The following VCPIP1 variants were observed in gnomAD, a reference collection of about 807,000 sequenced individuals.
VCPIP1 encodes the protein deubiquitinating protein VCPIP1.
In VCPIP1, 8 loss-of-function variants were observed where a neutral mutation model predicts 85.0. The observed-to-expected ratio is 0.09, with a 90% CI of 0.06 to 0.17. VCPIP1 has a LOEUF of 0.17. Ranked by LOEUF, VCPIP1 falls within the 10% of genes least tolerant of loss-of-function variation. The pLI, the probability that VCPIP1 is intolerant of heterozygous loss-of-function variation, is 1.00. For missense variants in VCPIP1, 1,070 were observed against 1,486.3 expected, an observed-to-expected ratio of 0.72 and a Z score of 4.61; for synonymous variants, 543 against 544.5, an observed-to-expected ratio of 1.00 and a Z score of 0.04.
rs1465096398 is a variant in VCPIP1, at chr8:66,633,554, T to C, written c.*947A>G. On this transcript the variant is annotated 3_prime_UTR_variant, in exon 3 of 3. Transcript: ENST00000310421. ...AGTGAAGCCAACAAATAAACTCTTA[T>C]GGATTCTGAAAAAAAAAAAAAAATT... is the stretch of plus-strand genomic sequence containing the variant. The C allele has an allele frequency of 3.3e-5, 5 of 149,264 alleles. No homozygotes were observed. The highest frequency in any genetic ancestry group is 2.0e-4 in the East Asian group (1 of 5,072). The allele number at this position is 149,264 out of a possible 1,614,324, so 9.2% of individuals were successfully genotyped here. A position where few individuals can be genotyped will look rare whatever the true frequency, so the allele number is the denominator to read the frequency against.
At chr8:66,653,115 C>G (rs1408647477) in intron 1 of VCPIP1, among the ~76,000 whole-genome samples, 2 of 152,138 alleles carry the variant, frequency 1.3e-5, no homozygotes, top group African/African-American at 2.4e-5. Context: ...TTTTAGAAGA[C>G]TTGACAATTA....
In VCPIP1 at chr8:66,664,590, G is replaced by A; in HGVS notation, c.2369C>T (p.Thr790Ile). 3 of 1,614,162 alleles carry A rather than the reference G, an allele frequency of 1.9e-6. No individual in the cohort carries two copies. The highest frequency in any genetic ancestry group is 2.5e-6 in the Non-Finnish European group (3 of 1,180,020). Residue 790 changes from threonine (T) to isoleucine (I), a missense_variant, in exon 1 of 3, where the codon ACC (threonine) becomes ATC (isoleucine). Coordinates refer to ENST00000310421, the MANE Select transcript of VCPIP1 (RefSeq NM_025054.5). ...AAAAAAGGTTGTTGAAGACTTAAGG[G>A]TAACCATGGACTGTCGTCCATCATT... ...TTNDGRQSMVTLKSSTTFFEL... is the reference protein window; with the variant it reads ...TTNDGRQSMVILKSSTTFFEL...
In VCPIP1 at chr8:66,666,924, G is replaced by A. The variant is rs1488838767; in HGVS notation, c.35C>T (p.Pro12Leu). The A allele has an allele frequency of 6.3e-7, 1 of 1,584,450 alleles. No individual in the cohort carries two copies. Among genetic ancestry groups the A allele is most frequent in the Non-Finnish European group, 8.5e-7 (1 of 1,171,020 alleles). ...SQPPPPPPPLPPPPPPPEAPQ... is the reference protein window; with the variant it reads ...SQPPPPPPPLLPPPPPPEAPQ... ...AGCCTCAGGGGGAGGAGGTGGCGGC[G>A]GCAACGGAGGCGGCGGCGGCGGCGG... Residue 12 changes from proline to leucine, a missense_variant, in exon 1 of 3, where the codon CCG becomes CTG. Physicochemically the swap from Pro to Leu is moderately conservative, Grantham distance 98 (BLOSUM62 -3). This residue lies in a region of VCPIP1 where 164 missense variants were observed against 158.6 expected (regional missense o/e 1.03). Coordinates refer to ENST00000310421, the MANE Select transcript of VCPIP1 (RefSeq NM_025054.5). The surrounding 1 kb of genome is among the most constrained non-coding windows in gnomAD (Gnocchi z 6.3).
chr8:66,666,914 AGGTGGCGGCGGCAAC>A lies in VCPIP1; in HGVS notation c.30_44del (p.Leu11_Pro15del), dbSNP rs772444898. The A allele has an allele frequency of 2.5e-6, 4 of 1,590,446 alleles. No individual in the cohort carries two copies. The highest frequency in any genetic ancestry group is 3.9e-5 in the Admixed American group (2 of 51,934). On this transcript the variant is annotated inframe_deletion, in exon 1 of 3. Transcript: ENST00000310421. This position sits in a 1 kb window ranked among gnomAD's most constrained non-coding sequence, Gnocchi z 6.3. ...GAGTCTGTGGAGCCTCAGGGGGAGG[AGGTGGCGGCGGCAAC>A]GGAGGCGGCGGCGGCGGCGGCTGAG...
intron 2 of VCPIP1, among the ~76,000 whole-genome samples, chr8:66,640,548 G>T (rs376074128): frequency 4.3e-4 from 65 of 152,300 alleles, no homozygotes; most frequent in African/African-American, 1.5e-3. Context: ...ATGTATTCCT[G>T]TTTTTCCGCT....
At chr8:66,654,616 T>C (rs748860169) in intron 1 of VCPIP1, among the ~76,000 whole-genome samples, 2 of 152,234 alleles carry the variant, frequency 1.3e-5, no homozygotes, top group Non-Finnish European at 2.9e-5. Flanking sequence ...CTGAAGGTCA[T>C]GTTTGTTGGT....
At position 66,651,479 on chromosome 8, in the gene VCPIP1, T is replaced by C; in HGVS notation, c.2776A>G (p.Ser926Gly). ...HMFQQGGVFY[S>G]IMKKTMGMAD... Reference sequence around the variant, plus strand: ...ATACCCATGGTTTTCTTCATAATACTGTAGAATACACCACCCTGCTGAAAC... The same window carrying C: ...ATACCCATGGTTTTCTTCATAATACCGTAGAATACACCACCCTGCTGAAAC... Residue 926 changes from serine to glycine, a missense_variant, in exon 2 of 3, where the codon AGT (serine) becomes GGT (glycine). This residue lies in a region of VCPIP1 where 46 missense variants were observed against 95.2 expected (regional missense o/e 0.48). Coordinates refer to ENST00000310421, the MANE Select transcript of VCPIP1 (RefSeq NM_025054.5). The C allele has an allele frequency of 1.2e-6, 2 of 1,613,058 alleles. No homozygotes were observed. Among genetic ancestry groups the C allele is most frequent in the Non-Finnish European group, 1.7e-6 (2 of 1,179,674 alleles).
chr8:66,649,398 G>C (rs1019186332), intron 2 of VCPIP1, among the ~76,000 whole-genome samples: 2 of 152,048 alleles, frequency 1.3e-5, no homozygotes, highest in African/African-American at 4.8e-5. Flanking sequence ...TGTGGTCCCA[G>C]CTACTTGGGA....
At chr8:66,653,563 T>C (rs542501689) in intron 1 of VCPIP1, 143 of 152,328 alleles carry the variant, frequency 9.4e-4, no homozygotes, top group African/African-American at 3.3e-3. Flanking sequence ...CTACCTGCAC[T>C]TGACTAGTCC....
intron 2 of VCPIP1, among the ~76,000 whole-genome samples, chr8:66,649,651 T>C (rs534859612): frequency 3.9e-5 from 6 of 152,072 alleles, no homozygotes; most frequent in South Asian, 2.1e-4. Context: ...GGCAAACATA[T>C]AGGAGCAGAA....
chr8:66,639,424 G>A (rs1436884985), intron 2 of VCPIP1, among the ~76,000 whole-genome samples: 2 of 133,528 alleles, frequency 1.5e-5, no homozygotes, highest in African/African-American at 2.8e-5. Flanking sequence ...GTGCGATCTC[G>A]GCTCACTGCA....
At position 66,637,951 on chromosome 8, in the gene VCPIP1, G is replaced by A. The variant is rs932663736; in HGVS notation, c.2798-2579C>T. Among the ~76,000 whole-genome samples, 129 of 152,282 alleles carry A rather than the reference G, an allele frequency of 8.5e-4. 1 individual carries two copies. The highest frequency in any genetic ancestry group is 3.0e-3 in the African/African-American group (125 of 41,542). On this transcript the variant is annotated intron_variant, in intron 2 of 2. Transcript: ENST00000310421. ...CGTGCCATTGCACTCCAGCCAGGGC[G>A]ACAGAGCGAGACTCCGTCTCAAAAC...
At position 66,666,606 on chromosome 8, in the gene VCPIP1, T is replaced by C. The variant is rs748137137; in HGVS notation, c.353A>G (p.Lys118Arg). The C allele has an allele frequency of 3.7e-6, 6 of 1,614,144 alleles. No homozygotes were observed. The East Asian group carries it at 1.3e-4, about 36-fold the overall frequency. ...GAPKKNTELV[K>R]VMGLSNYHCK... ...GTGATAGTTGGAAAGGCCCATCACC[T>C]TTACCAGTTCCGTGTTCTTCTTGGG... The change falls in exon 1 of 3, where the codon AAG becomes AGG. Residue 118 changes from lysine to arginine, a missense_variant. Coordinates refer to ENST00000310421, the MANE Select transcript of VCPIP1 (RefSeq NM_025054.5). This position sits in a 1 kb window ranked among gnomAD's most constrained non-coding sequence, Gnocchi z 6.3.
chr8:66,648,169 T>C (rs1017627380), intron 2 of VCPIP1, among the ~76,000 whole-genome samples: 4 of 152,140 alleles, frequency 2.6e-5, no homozygotes, highest in Non-Finnish European at 4.4e-5. Context: ...GAATAAACTC[T>C]AGTTATTCAA....
chr8:66,667,074 T>C lies in VCPIP1; in HGVS notation c.-116A>G. On this transcript the variant is annotated 5_prime_UTR_variant, in exon 1 of 3. Coordinates refer to ENST00000310421, the MANE Select transcript of VCPIP1 (RefSeq NM_025054.5). ...AGGCCCAGGGCGAAGCACTTTCCTT[T>C]CCCTACCAGCTCTTCCTCCTCCTAA... 1 of 1,399,354 alleles carries C rather than the reference T, an allele frequency of 7.1e-7. No homozygotes were observed. The highest frequency in any genetic ancestry group is 9.3e-7 in the Non-Finnish European group (1 of 1,080,050). The allele number at this position is 1,399,354 out of a possible 1,614,324, so 86.7% of individuals were successfully genotyped here.
intron 1 of VCPIP1, 40 bp from the exon 2 acceptor site, chr8:66,651,584 A>C: frequency 6.5e-7 from 1 of 1,545,434 alleles, no homozygotes; most frequent in Non-Finnish European, 8.9e-7. Flanking sequence ...CAACAAACAA[A>C]AGAGTTCCAT....
intron 2 of VCPIP1, among the ~76,000 whole-genome samples, chr8:66,650,085 T>G (rs1586626069): frequency 6.6e-6 from 1 of 152,196 alleles, no homozygotes; most frequent in Non-Finnish European, 1.5e-5. Context: ...GTCCTTATCT[T>G]TAGAAATACA....
intron 1 of VCPIP1, among the ~76,000 whole-genome samples, chr8:66,660,973 G>A (rs1811150641): frequency 6.6e-6 from 1 of 151,896 alleles, no homozygotes; most frequent in East Asian, 1.9e-4. Context: ...AACCCAGGAG[G>A]CAGAGGTTGC....
rs114961440 is a variant in VCPIP1, at chr8:66,640,348, C to A, written c.2798-4976G>T. 6.1e-3 allele frequency among the ~76,000 whole-genome samples: 923 copies of A among 152,306 alleles called. 8 individuals carry two copies. Among genetic ancestry groups the A allele is most frequent in the African/African-American group, 0.021 (863 of 41,560 alleles). On this transcript the variant is annotated intron_variant, in intron 2 of 2. Coordinates refer to ENST00000310421, the MANE Select transcript of VCPIP1 (RefSeq NM_025054.5). ...CCATCTCCTTTGATCCTCACAATCA[C>A]CCTGACATTATCATACCCACTTTAC...
Sources: gnomAD v4.1 joint callset for allele counts (sites outside exome capture counted in the v4.1 genomes callset) on GRCh38, gnomAD v4.1.1 for gene constraint, gnomAD v4.1.1 regional missense constraint, Gnocchi (gnomAD v3.1) non-coding constraint, MANE v1.5 for transcripts, NCBI Gene and HGNC (gene_info 2026-07-23, HGNC 2026-07-21) for gene names.